Variants in C11orf65 observed in about 807,000 individuals in gnomAD.
C11orf65 encodes chromosome 11 open reading frame 65, also known as protein MFI.
A neutral mutation model predicts 35.3 loss-of-function variants in C11orf65; 38 were observed. That is an observed-to-expected ratio of 1.08 (90% CI 0.83 to 1.41). The LOEUF (loss-of-function observed/expected upper bound fraction) is 1.41, where lower values mean the gene tolerates loss of function less well. C11orf65 is among the 40% of genes most tolerant of loss of function. The probability of loss-of-function intolerance (pLI) is 0.00; values close to 1 mark genes in which losing one functional copy is unlikely to be tolerated. For synonymous variants in C11orf65, 105 were observed against 114.4 expected (o/e 0.92, Z 0.53); for missense variants, 370 against 367.1 (o/e 1.01, Z -0.06).
Position 108,321,369 on chromosome 11 carries a change from G to A in C11orf65, c.641-12298C>T, listed in dbSNP as rs1470293148. 6.2e-7 allele frequency: 1 copy of A among 1,614,158 alleles called. No homozygotes were observed. Among genetic ancestry groups the A allele is most frequent in the South Asian group, 1.1e-5 (1 of 91,072 alleles). On this transcript the variant is annotated intron_variant, in intron 6 of 6. Coordinates refer to the C11orf65 transcript ENST00000525729. ...GTGTATTCGCTCTATCCCACACTTAGCAGGTTGCAGGCCATTGGAGAGCTG... is the reference window on the plus strand; with the variant it reads ...GTGTATTCGCTCTATCCCACACTTAACAGGTTGCAGGCCATTGGAGAGCTG...
At chr11:108,387,736 C>G (rs759226923) in intron 7 of C11orf65, among the ~76,000 whole-genome samples, 47 of 152,260 alleles carry the variant, frequency 3.1e-4, no homozygotes, top group Admixed American at 4.6e-4. Flanking sequence ...GTATTTTGCC[C>G]AGGCTGGTCT....
intron 6 of C11orf65, among the ~76,000 whole-genome samples, chr11:108,324,737 C>T (rs1166326553): frequency 2.0e-5 from 3 of 152,112 alleles, no homozygotes; most frequent in Non-Finnish European, 4.4e-5. Flanking sequence ...TTTCATAGTT[C>T]AGTTATTTGG....
intron 5 of C11orf65, among the ~76,000 whole-genome samples, chr11:108,406,015 C>A (rs1281610706): frequency 6.6e-6 from 1 of 152,112 alleles, no homozygotes; most frequent in East Asian, 1.9e-4. Context: ...TTTCCCCCTT[C>A]CAACTCATTC....
chr11:108,408,899 G>C (rs928657844), intron 3 of C11orf65, among the ~76,000 whole-genome samples: 1 of 151,742 alleles, frequency 6.6e-6, no homozygotes, highest in Admixed American at 6.6e-5. Flanking sequence ...AACCTATAGA[G>C]TCTTAAAGAC....
chr11:108,390,131 C>T (rs2092118853), intron 7 of C11orf65, among the ~76,000 whole-genome samples: 1 of 152,130 alleles, frequency 6.6e-6, no homozygotes, highest in East Asian at 1.9e-4. Context: ...TCACGCCATT[C>T]TCCTGTCTCA....
intron 2 of C11orf65, among the ~76,000 whole-genome samples, chr11:108,447,691 C>T (rs2093283791): frequency 1.3e-5 from 2 of 151,750 alleles, no homozygotes; most frequent in Admixed American, 1.3e-4. Flanking sequence ...AGGAAAGATC[C>T]AAAATTGACA....
chr11:108,417,205 C>A (rs1293840228), intron 3 of C11orf65, among the ~76,000 whole-genome samples: 1 of 152,058 alleles, frequency 6.6e-6, no homozygotes, highest in Non-Finnish European at 1.5e-5. Flanking sequence ...AATGTTCTGA[C>A]AAAAGACAAA....
At chr11:108,346,528 C>T (rs1395304685) in intron 2 of C11orf65, 1 of 151,394 alleles carries the variant, frequency 6.6e-6, no homozygotes, top group Non-Finnish European at 1.5e-5. Flanking sequence ...AAAGACAACT[C>T]CCTCCATCAC....
At position 108,383,003 on chromosome 11, in the gene C11orf65, G is replaced by C. The variant is rs377342939; in HGVS notation, c.*18C>G. On this transcript the variant is annotated 3_prime_UTR_variant, in exon 9 of 9. Coordinates refer to ENST00000393084, the MANE Select transcript of C11orf65 (RefSeq NM_152587.5). The stretch of plus-strand genomic sequence containing the variant: ...GGAAGGCTCAAAGGGCTATAACTCA[G>C]AATAGAAATAAAGTACTTTATAGTC... 3 of 1,610,534 alleles carry C rather than the reference G, an allele frequency of 1.9e-6. No individual in the cohort carries two copies. In the East Asian group the frequency reaches 6.7e-5, roughly 36 times the overall value.
chr11:108,430,779 A>G (rs1221685002), intron 3 of C11orf65, among the ~76,000 whole-genome samples: 1 of 152,018 alleles, frequency 6.6e-6, no homozygotes, highest in Non-Finnish European at 1.5e-5. Flanking sequence ...CAGGAGGTTA[A>G]CGCTGCAGTG....
chr11:108,466,235 T>A (rs2093536176), intron 1 of C11orf65, among the ~76,000 whole-genome samples: 1 of 152,094 alleles, frequency 6.6e-6, no homozygotes, highest in South Asian at 2.1e-4. Flanking sequence ...ATGCTCCAGA[T>A]AAAATAACCA....
chr11:108,407,260 G>T, intron 3 of C11orf65, 111 bp from the exon 4 acceptor site: 1 of 837,266 alleles, frequency 1.2e-6, no homozygotes, highest in Non-Finnish European at 1.7e-6. Flanking sequence ...GACTATTTAG[G>T]AAATCAGTCA....
intron 2 of C11orf65, among the ~76,000 whole-genome samples, chr11:108,458,255 C>T (rs549981568): frequency 2.0e-5 from 3 of 149,976 alleles, no homozygotes; most frequent in Non-Finnish European, 4.4e-5. Flanking sequence ...GCCGGTATCC[C>T]ACCTACTCGG....
intron 2 of C11orf65, among the ~76,000 whole-genome samples, chr11:108,444,332 A>C (rs1269212768): frequency 6.6e-6 from 1 of 152,178 alleles, no homozygotes; most frequent in Non-Finnish European, 1.5e-5. Context: ...TTAATAGCCT[A>C]CCAACCAAAA....
intron 3 of C11orf65, among the ~76,000 whole-genome samples, chr11:108,334,806 G>C (rs574050507): frequency 2.6e-5 from 4 of 152,050 alleles, no homozygotes; most frequent in African/African-American, 4.8e-5. Flanking sequence ...TTAAAGTTAC[G>C]AGCGTGAGCC....
In C11orf65 at chr11:108,382,831, T is replaced by C. The variant is rs1461883244; in HGVS notation, c.*190A>G. The C allele has an allele frequency of 1.0e-6, 1 of 984,404 alleles. No homozygotes were observed. The highest frequency in any genetic ancestry group is 1.7e-5 in the African/African-American group (1 of 57,208). The allele number at this position is 984,404 out of a possible 1,614,324, so 61.0% of individuals were successfully genotyped here. ...GTTTCTCAGAATACTAGGAATAATT[T>C]CTATATTTGCCATGATCATTGTATT... On this transcript the variant is annotated 3_prime_UTR_variant, in exon 9 of 9. Transcript: ENST00000393084.
At chr11:108,467,231 A>T in intron 1 of C11orf65, among the ~76,000 whole-genome samples, 1 of 152,092 alleles carries the variant, frequency 6.6e-6, no homozygotes, top group Non-Finnish European at 1.5e-5. Context: ...AACTTCACCG[A>T]GGGCGAGGAA....
At chr11:108,316,876 A>G (rs2084707725) in intron 6 of C11orf65, among the ~76,000 whole-genome samples, 1 of 151,846 alleles carries the variant, frequency 6.6e-6, no homozygotes, top group African/African-American at 2.4e-5. Context: ...CAGTGAGCCG[A>G]GATCGCGCCA....
At chr11:108,316,942 A>G (rs375173324) in intron 6 of C11orf65, among the ~76,000 whole-genome samples, 2 of 151,516 alleles carry the variant, frequency 1.3e-5, no homozygotes, top group African/African-American at 4.8e-5. Flanking sequence ...AAATAAATAA[A>G]TAAATTTTAG....
Sources: gnomAD v4.1 joint callset for allele counts (sites outside exome capture counted in the v4.1 genomes callset) on GRCh38, gnomAD v4.1.1 for gene constraint, MANE v1.5 for transcripts, NCBI Gene and HGNC (gene_info 2026-07-23, HGNC 2026-07-21) for gene names.